The following TLL1 variants were observed in gnomAD, a reference collection of about 807,000 sequenced individuals.
TLL1 encodes the protein tolloid like 1.
TLL1 carries 49 observed loss-of-function variants against 128.2 expected under a neutral mutation model. That is an observed-to-expected ratio of 0.38 (90% CI 0.30 to 0.48). The LOEUF is 0.48. Ranked by LOEUF, TLL1 falls within the 20% of genes least tolerant of loss-of-function variation. The probability of loss-of-function intolerance (pLI) is 0.96; values close to 1 mark genes in which losing one functional copy is unlikely to be tolerated. For missense variants in TLL1, 1,123 were observed against 1,242.0 expected, an observed-to-expected ratio of 0.90 and a Z score of 1.44; for synonymous variants, 454 against 418.8, an observed-to-expected ratio of 1.08 and a Z score of -1.03.
rs117168825 is a variant in TLL1 at position 165,984,799 on chromosome 4, C to A, written c.170-4582C>A. Reference sequence around the variant, plus strand: ...TATAATTACACTTAATAATATATGTCACTAAAATCAAAAAGGCACCTGTCT... The same window carrying A: ...TATAATTACACTTAATAATATATGTAACTAAAATCAAAAAGGCACCTGTCT... On this transcript the variant is annotated intron_variant, in intron 1 of 20. Coordinates refer to ENST00000061240, the MANE Select transcript of TLL1 (RefSeq NM_012464.5). 3.8e-4 allele frequency among the ~76,000 whole-genome samples: 58 copies of A among 151,912 alleles called. No individual in the cohort carries two copies. The East Asian group carries it at 6.8e-3, about 18-fold the overall frequency.
chr4:165,911,745 C>A (rs1273272608), intron 1 of TLL1, among the ~76,000 whole-genome samples: 1 of 152,124 alleles, frequency 6.6e-6, no homozygotes, highest in Non-Finnish European at 1.5e-5. Flanking sequence ...TCATGTATTT[C>A]ATTCATAAAA....
chr4:165,888,864 C>T (rs1164583116), intron 1 of TLL1, among the ~76,000 whole-genome samples: 1 of 152,180 alleles, frequency 6.6e-6, no homozygotes, highest in African/African-American at 2.4e-5. Flanking sequence ...CACTTTCCAG[C>T]CTGGGTGGGC....
intron 1 of TLL1, among the ~76,000 whole-genome samples, chr4:165,953,699 C>T (rs17047138): frequency 2.6e-5 from 4 of 151,290 alleles, no homozygotes; most frequent in South Asian, 2.1e-4. Context: ...TAGTCAAGGA[C>T]GAAATGCCAT....
chr4:166,020,277 A>G (rs145748680), intron 8 of TLL1, among the ~76,000 whole-genome samples: 78 of 152,342 alleles, frequency 5.1e-4, no homozygotes, highest in African/African-American at 1.5e-3. Context: ...GGCATTTTAA[A>G]GGACAACTAG....
At chr4:165,916,561 T>C (rs1429488644) in intron 1 of TLL1, among the ~76,000 whole-genome samples, 8 of 152,156 alleles carry the variant, frequency 5.3e-5, no homozygotes, top group Non-Finnish European at 8.8e-5. Flanking sequence ...TATAGTAACA[T>C]AGTAATGGTA....
intron 18 of TLL1, among the ~76,000 whole-genome samples, chr4:166,084,094 G>A (rs575132491): frequency 7.6e-4 from 115 of 152,176 alleles, no homozygotes; most frequent in African/African-American, 2.6e-3. Context: ...CAGGCGTGGG[G>A]TGATATCTCA....
chr4:165,931,586 G>C (rs549622373), intron 1 of TLL1, among the ~76,000 whole-genome samples: 1 of 152,108 alleles, frequency 6.6e-6, no homozygotes, highest in Admixed American at 6.5e-5. Flanking sequence ...GGGTGTGGTG[G>C]TGGGCACCTG....
At chr4:166,030,894 T>C (rs1041777268) in intron 9 of TLL1, 7 of 986,108 alleles carry the variant, frequency 7.1e-6, no homozygotes, top group African/African-American at 1.7e-5. Context: ...TTTATAAAAC[T>C]ATAGTTTCAC....
rs777905713 is a variant in TLL1 at position 166,043,294 on chromosome 4, C to A, written c.1399C>A (p.Arg467Ser). The A allele has an allele frequency of 4.3e-6, 7 of 1,613,958 alleles. No individual in the cohort carries two copies. The highest frequency in any genetic ancestry group is 2.2e-5 in the East Asian group (1 of 44,856). The change falls in exon 12 of 21, where the codon CGT becomes AGT. Residue 467 changes from arginine to serine, a missense_variant. Coordinates refer to ENST00000061240, the MANE Select transcript of TLL1 (RefSeq NM_012464.5). ...VYEAICGGEI[R>S]KNEGQIQSPN... Reference sequence around the variant, plus strand: ...TTCAGCGATCTGTGGAGGTGAGATACGTAAAAATGAAGGACAGATTCAGTC... The same window carrying A: ...TTCAGCGATCTGTGGAGGTGAGATAAGTAAAAATGAAGGACAGATTCAGTC...
chr4:166,098,798 G>T (rs1197095262), intron 19 of TLL1, among the ~76,000 whole-genome samples: 1 of 151,944 alleles, frequency 6.6e-6, no homozygotes, highest in African/African-American at 2.4e-5. Context: ...TTTGCATTTG[G>T]GGTTCTTAAA....
At chr4:165,952,894 A>G (rs1734593221) in intron 1 of TLL1, among the ~76,000 whole-genome samples, 1 of 152,190 alleles carries the variant, frequency 6.6e-6, no homozygotes, top group African/African-American at 2.4e-5. Flanking sequence ...GGGTTTTAAA[A>G]GAAACAGAAA....
rs189691399 is a variant in TLL1, at chr4:166,102,400, C to T, written c.*1524C>T. ...GTGATTGTCTGAGTGAGTGAAACTA[C>T]AAGAGGTAAAAAATAATGGGTGGTT... On this transcript the variant is annotated 3_prime_UTR_variant, in exon 21 of 21. Coordinates refer to ENST00000061240, the MANE Select transcript of TLL1 (RefSeq NM_012464.5). 6.6e-6 allele frequency: 1 copy of T among 152,360 alleles called. No homozygotes were observed. The highest frequency in any genetic ancestry group is 2.4e-5 in the African/African-American group (1 of 41,494). The allele number at this position is 152,360 out of a possible 1,614,324, so 9.4% of individuals were successfully genotyped here. A position where few individuals can be genotyped will look rare whatever the true frequency, so the allele number is the denominator to read the frequency against.
Position 166,060,200 on chromosome 4 carries a change from A to G in TLL1, c.2007+12A>G, listed in dbSNP as rs1389667660. 6.2e-7 allele frequency: 1 copy of G among 1,613,346 alleles called. No individual in the cohort carries two copies. The highest frequency in any genetic ancestry group is 8.5e-7 in the Non-Finnish European group (1 of 1,179,612). ...TGGAAGGCAATGAAGTAAGTGAACA[A>G]TAACTGTAATTTTTTAAATCATGTT... On this transcript the variant is annotated intron_variant, in intron 15 of 20. Transcript: ENST00000061240.
rs374285015 is a variant in TLL1, at chr4:166,014,426, T to A, written c.918-10T>A. ...TGACTTAGGTGTGGTTTGCTTCTGC[T>A]TTTTTTCAGGGGGATGTTTCTGGAT... On this transcript the variant is annotated splice_polypyrimidine_tract_variant and intron_variant, in intron 7 of 20. Coordinates refer to ENST00000061240, the MANE Select transcript of TLL1 (RefSeq NM_012464.5). 5.0e-6 allele frequency: 8 copies of A among 1,611,256 alleles called. No homozygotes were observed. Among genetic ancestry groups the A allele is most frequent in the African/African-American group, 1.3e-5 (1 of 74,838 alleles).
chr4:165,908,775 C>G (rs984212668), intron 1 of TLL1, among the ~76,000 whole-genome samples: 3 of 151,870 alleles, frequency 2.0e-5, no homozygotes, highest in African/African-American at 7.3e-5. Flanking sequence ...GTGAGTAAAC[C>G]CTTGCAGTAA....
At chr4:165,946,911 A>G (rs1734277049) in intron 1 of TLL1, among the ~76,000 whole-genome samples, 1 of 152,098 alleles carries the variant, frequency 6.6e-6, no homozygotes. Flanking sequence ...AACAATTGCT[A>G]TATGATGAAG....
At chr4:165,964,670 C>T (rs927062949) in intron 1 of TLL1, among the ~76,000 whole-genome samples, 3 of 152,146 alleles carry the variant, frequency 2.0e-5, no homozygotes, top group African/African-American at 7.2e-5. Context: ...TACCTATAAT[C>T]CCAGCATGTT....
At chr4:166,007,916 G>T in intron 6 of TLL1, 27 bp from the exon 7 acceptor site, 4 of 1,483,452 alleles carry the variant, frequency 2.7e-6, no homozygotes, top group Non-Finnish European at 3.8e-6. Flanking sequence ...AAAGGCTTCT[G>T]AGATTTTGTT....
intron 9 of TLL1, among the ~76,000 whole-genome samples, chr4:166,028,177 C>G (rs377737860): frequency 6.6e-6 from 1 of 152,124 alleles, no homozygotes; most frequent in East Asian, 1.9e-4. Flanking sequence ...AAAGCAGACA[C>G]TGAAGGCTGT....
Sources: allele counts gnomAD v4.1 joint callset (sites outside exome capture counted in the v4.1 genomes callset), GRCh38; gene constraint gnomAD v4.1.1; transcripts MANE v1.5; gene names NCBI Gene and HGNC (gene_info 2026-07-23, HGNC 2026-07-21).